The following SHF variants were observed in gnomAD, a reference collection of about 807,000 sequenced individuals.
The protein encoded by SHF is SH2 domain-containing adapter protein F.
In SHF, 30 loss-of-function variants were observed where a neutral mutation model predicts 42.4. That is an observed-to-expected ratio of 0.71 (90% CI 0.53 to 0.96). The LOEUF is 0.96. SHF is among the 40% of genes least tolerant of loss of function. The probability of loss-of-function intolerance (pLI) is 0.00; values close to 1 mark genes in which losing one functional copy is unlikely to be tolerated. For missense variants in SHF, 598 were observed against 634.0 expected (o/e 0.94, Z 0.61); for synonymous variants, 264 against 269.9 (o/e 0.98, Z 0.21).
intron 6 of SHF, among the ~76,000 whole-genome samples, chr15:45,168,960 A>G (rs530681197): frequency 5.1e-4 from 77 of 152,302 alleles, no homozygotes; most frequent in African/African-American, 1.6e-3. Flanking sequence ...CATGGGAGTG[A>G]GACCTCCAAG....
intron 1 of SHF, chr15:45,200,504 A>T (rs1018935374): frequency 1.7e-5 from 6 of 354,576 alleles, no homozygotes; most frequent in Admixed American, 1.1e-4. Flanking sequence ...GGGACACAGG[A>T]CCTCGGCTTG....
At chr15:45,173,488 G>A in intron 4 of SHF, 88 bp downstream of exon 4, 1 of 1,421,964 alleles carries the variant, frequency 7.0e-7, no homozygotes. Context: ...TCCAAATCCT[G>A]CCCCACCTCT....
At chr15:45,198,655 A>G in intron 2 of SHF, 2 of 1,358,842 alleles carry the variant, frequency 1.5e-6, no homozygotes, top group Non-Finnish European at 1.0e-6. Flanking sequence ...AACGCAGAGT[A>G]CTAACCACTA....
chr15:45,181,456 G>A (rs1898123282), intron 1 of SHF, among the ~76,000 whole-genome samples: 1 of 152,228 alleles, frequency 6.6e-6, no homozygotes, highest in Non-Finnish European at 1.5e-5. Flanking sequence ...ACTGCTTAGT[G>A]GAGGAAGCTG....
Position 45,178,487 on chromosome 15 carries a change from G to C in SHF, c.499-181C>G, listed in dbSNP as rs567552253. ...ACAAGCTCTGGCTCTTCCTTTGCAG[G>C]GCTCCCCTACTAGGCTGCCAACCAA... is the stretch of plus-strand genomic sequence containing the variant. On this transcript the variant is annotated intron_variant, in intron 1 of 6. Coordinates refer to ENST00000690270, the MANE Select transcript of SHF (RefSeq NM_001394037.1). Among the ~76,000 whole-genome samples, 34 of 151,956 alleles carry C rather than the reference G, an allele frequency of 2.2e-4. No homozygotes were observed. The South Asian group carries it at 6.9e-3, about 31-fold the overall frequency.
At chr15:45,190,707 G>A (rs528241037), upstream of SHF, among the ~76,000 whole-genome samples, 14 of 152,084 alleles carry the variant, frequency 9.2e-5, no homozygotes, top group South Asian at 2.1e-3. Flanking sequence ...ACAGGAGGTC[G>A]GCATTAGCTG....
At chr15:45,171,328 C>G (rs978840612) in intron 6 of SHF, 1 of 154,112 alleles carries the variant, frequency 6.5e-6, no homozygotes, top group Non-Finnish European at 1.4e-5. Context: ...AGACACCCCC[C>G]ATCCCCGAAC....
intron 2 of SHF, chr15:45,198,597 T>C (rs991739112): frequency 1.5e-6 from 1 of 670,020 alleles, no homozygotes; most frequent in African/African-American, 1.8e-5. Flanking sequence ...CGTGCCATTG[T>C]TCCCACAATG....
At chr15:45,175,551 C>T in intron 2 of SHF, 126 bp from the exon 3 acceptor site, 2 of 923,762 alleles carry the variant, frequency 2.2e-6, no homozygotes, top group Non-Finnish European at 3.3e-6. Context: ...CTGGGGGGAG[C>T]TCAGCAACCA....
At chr15:45,184,467 A>G (rs540757849) in intron 1 of SHF, among the ~76,000 whole-genome samples, 3 of 152,194 alleles carry the variant, frequency 2.0e-5, no homozygotes, top group African/African-American at 7.2e-5. Context: ...CTGGCGGTTC[A>G]TGAAGCCCAG....
chr15:45,173,289 C>T (rs771506963), intron 4 of SHF, among the ~76,000 whole-genome samples: 6 of 152,180 alleles, frequency 3.9e-5, no homozygotes, highest in Non-Finnish European at 8.8e-5. Flanking sequence ...GGAGTATTTG[C>T]ATTGCTGAAG....
chr15:45,183,924 G>A (rs1488861029), intron 1 of SHF, among the ~76,000 whole-genome samples: 9 of 152,170 alleles, frequency 5.9e-5, no homozygotes, highest in Non-Finnish European at 1.3e-4. Flanking sequence ...GGCTTAAGAG[G>A]TTTAACTAGT....
chr15:45,170,262 C>T, intron 6 of SHF: 1 of 1,051,876 alleles, frequency 9.5e-7, no homozygotes, highest in Non-Finnish European at 1.2e-6. Flanking sequence ...GGGCAAGTAA[C>T]AAACCTCTTT....
intron 1 of SHF, among the ~76,000 whole-genome samples, chr15:45,186,744 C>T (rs1022167223): frequency 2.0e-5 from 3 of 152,242 alleles, no homozygotes; most frequent in African/African-American, 7.2e-5. Flanking sequence ...GCAACAGGTC[C>T]TGAGCACTGA....
At chr15:45,187,993 GGGGGC>G, upstream of SHF, 4 of 643,652 alleles carry the variant, frequency 6.2e-6, no homozygotes, top group Non-Finnish European at 8.4e-6. Flanking sequence ...GCGGCGGGTG[GGGGGC>G]GGGGGCGGGG....
chr15:45,184,754 C>T (rs59442984), intron 1 of SHF, among the ~76,000 whole-genome samples: 6,570 of 152,354 alleles, frequency 0.043, 483 homozygotes, highest in African/African-American at 0.15. Flanking sequence ...CCCCCACTGC[C>T]AGAGCATGGC....
chr15:45,170,640 TTTTTC>T, intron 6 of SHF: 1 of 309,116 alleles, frequency 3.2e-6, no homozygotes, highest in Non-Finnish European at 6.0e-6. Context: ...TTCTATTATC[TTTTTC>T]TTTTTTTTTT....
At chr15:45,198,380 T>A (rs1439498915) in intron 2 of SHF, 1 of 169,160 alleles carries the variant, frequency 5.9e-6, no homozygotes, top group Non-Finnish European at 1.3e-5. Context: ...TGGTGTGGAA[T>A]TATTCAGACA....
chr15:45,187,382 T>G (rs1171910514), intron 1 of SHF, 72 bp downstream of exon 1: 17 of 1,221,662 alleles, frequency 1.4e-5, no homozygotes, highest in Non-Finnish European at 1.7e-5. Flanking sequence ...CAGGCCACCT[T>G]TGTCCCTCTC....
Sources: gnomAD v4.1 joint callset for allele counts (sites outside exome capture counted in the v4.1 genomes callset) on GRCh38, gnomAD v4.1.1 for gene constraint, MANE v1.5 for transcripts, NCBI Gene and HGNC (gene_info 2026-07-23, HGNC 2026-07-21) for gene names.